Variants in PCNX2 observed in about 807,000 individuals in gnomAD.
The protein encoded by PCNX2 is pecanex-like protein 2.
A neutral mutation model predicts 223.8 loss-of-function variants in PCNX2; 168 were observed. That is an observed-to-expected ratio of 0.75 (90% CI 0.66 to 0.85). The LOEUF (loss-of-function observed/expected upper bound fraction) is 0.85, where lower values mean the gene tolerates loss of function less well. Among genes scored for constraint, PCNX2 ranks in the 40% least tolerant of loss-of-function variants. The pLI is 0.00. For synonymous variants in PCNX2, 1,006 were observed against 1,052.6 expected (o/e 0.96, Z 0.86); for missense variants, 2,507 against 2,675.5 (o/e 0.94, Z 1.39).
intron 1 of PCNX2, chr1:233,291,192 T>C (rs1572213795): frequency 1.3e-5 from 9 of 679,604 alleles, no homozygotes; most frequent in African/African-American, 2.0e-5. Context: ...TGTGGGCAAA[T>C]AGCTGACTCT....
intron 25 of PCNX2, among the ~76,000 whole-genome samples, chr1:233,050,145 G>T (rs1291241874): frequency 6.6e-6 from 1 of 151,942 alleles, no homozygotes; most frequent in Non-Finnish European, 1.5e-5. Flanking sequence ...GTAGATGATG[G>T]GTTGATGGGT....
intron 21 of PCNX2, 42 bp from the exon 22 acceptor site, chr1:233,095,905 C>T (rs752137473): frequency 6.9e-5 from 98 of 1,423,524 alleles, no homozygotes; most frequent in Non-Finnish European, 9.5e-5. Flanking sequence ...AGGACAATGA[C>T]AACAGTGGTA....
chr1:233,308,366 G>C, the PCNX2 span, among the ~76,000 whole-genome samples: 1 of 152,136 alleles, frequency 6.6e-6, no homozygotes, highest in African/African-American at 2.4e-5. Context: ...GGCTGAGTCA[G>C]GAGAATTGCT....
chr1:233,323,144 A>G, the PCNX2 span, among the ~76,000 whole-genome samples: 2 of 152,210 alleles, frequency 1.3e-5, no homozygotes, highest in African/African-American at 4.8e-5. Context: ...TTTGGCATCA[A>G]AACTTGACTT....
chr1:233,040,814 A>G (rs1369094311), intron 25 of PCNX2, among the ~76,000 whole-genome samples: 2 of 152,058 alleles, frequency 1.3e-5, no homozygotes, highest in African/African-American at 2.4e-5. Flanking sequence ...CTCATCTTCC[A>G]CTGAACCTCA....
chr1:233,195,737 T>C (rs1056225198), intron 15 of PCNX2, among the ~76,000 whole-genome samples: 1 of 152,136 alleles, frequency 6.6e-6, no homozygotes, highest in Non-Finnish European at 1.5e-5. Context: ...TAGTTTCAGG[T>C]TGAAAGATAC....
intron 19 of PCNX2, among the ~76,000 whole-genome samples, chr1:233,153,397 A>G (rs1157246893): frequency 6.6e-6 from 1 of 152,218 alleles, no homozygotes; most frequent in African/African-American, 2.4e-5. Context: ...TTGGAATGAG[A>G]AATATACTAC....
In PCNX2 at chr1:233,104,301, A is replaced by C. The variant is rs1401258486; in HGVS notation, c.3838-8438T>G. Among the ~76,000 whole-genome samples, 4 of 152,262 alleles carry C rather than the reference A, an allele frequency of 2.6e-5. No homozygotes were observed. The East Asian group carries it at 7.7e-4, about 29-fold the overall frequency. The stretch of plus-strand genomic sequence containing the variant: ...CTTGTTAGATTTAGAAGAAATATTA[A>C]AGTCACCTAAAAATTTTAGGCAAAA... On this transcript the variant is annotated intron_variant, in intron 21 of 33. Coordinates refer to ENST00000258229, the MANE Select transcript of PCNX2 (RefSeq NM_014801.4).
chr1:233,264,417 C>T (rs1448733075), intron 1 of PCNX2, among the ~76,000 whole-genome samples: 1 of 152,200 alleles, frequency 6.6e-6, no homozygotes, highest in East Asian at 1.9e-4. Context: ...AGGGCCCAGT[C>T]CATATCCATG....
In PCNX2 at chr1:233,139,602, G is replaced by T; in HGVS notation, c.3659+112C>A. On this transcript the variant is annotated intron_variant, in intron 20 of 33. Transcript: ENST00000258229. This position sits in a 1 kb window ranked among gnomAD's most constrained non-coding sequence, Gnocchi z 4.4. The stretch of plus-strand genomic sequence containing the variant: ...GACCACCATGGCTTATTTTTACATG[G>T]CCAATCACAGTCGGTAAAGGTTGGC... The T allele has an allele frequency of 7.9e-7, 1 of 1,266,030 alleles. No homozygotes were observed. The allele number at this position is 1,266,030 out of a possible 1,614,324, so 78.4% of individuals were successfully genotyped here. A position where few individuals can be genotyped will look rare whatever the true frequency, so the allele number is the denominator to read the frequency against.
intron 1 of PCNX2, chr1:233,285,081 A>G (rs1322312427): frequency 1.1e-6 from 1 of 916,044 alleles, no homozygotes; most frequent in Non-Finnish European, 1.3e-6. Context: ...GGCCGGGTGC[A>G]GTGGTTCACG....
chr1:232,997,061 A>T (rs1669900731), intron 32 of PCNX2, among the ~76,000 whole-genome samples: 1 of 152,228 alleles, frequency 6.6e-6, no homozygotes, highest in Admixed American at 6.5e-5. Context: ...AAGGCTGGTC[A>T]CAGTGGTTGC....
At chr1:233,021,587 C>T (rs916754141) in intron 26 of PCNX2, among the ~76,000 whole-genome samples, 4 of 152,104 alleles carry the variant, frequency 2.6e-5, no homozygotes, top group Non-Finnish European at 1.5e-5. Context: ...AACTAGCTTG[C>T]AGGGGAGGAG....
At chr1:233,119,547 T>C (rs1675636756) in intron 21 of PCNX2, among the ~76,000 whole-genome samples, 1 of 144,956 alleles carries the variant, frequency 6.9e-6, no homozygotes, top group South Asian at 2.2e-4. Context: ...ATCCCGCCAC[T>C]GCACTCCAGC....
chr1:233,111,174 G>C (rs937050361), intron 21 of PCNX2, among the ~76,000 whole-genome samples: 1 of 152,064 alleles, frequency 6.6e-6, no homozygotes, highest in African/African-American at 2.4e-5. Context: ...GTCAGACCCG[G>C]GTTCTGATGC....
chr1:233,213,562 T>C (rs1180765604), intron 12 of PCNX2, among the ~76,000 whole-genome samples: 1 of 152,144 alleles, frequency 6.6e-6, no homozygotes, highest in African/African-American at 2.4e-5. Context: ...TACTCTAAAA[T>C]AAAAGGTTTA....
intron 10 of PCNX2, among the ~76,000 whole-genome samples, chr1:233,226,984 T>C (rs1048154062): frequency 6.6e-6 from 1 of 152,166 alleles, no homozygotes; most frequent in African/African-American, 2.4e-5. Flanking sequence ...TTATCTCTTA[T>C]TATTAATATG....
rs1013075677 is a variant in PCNX2 at position 233,126,331 on chromosome 1, T to C, written c.3837+8682A>G. 6.6e-6 allele frequency: 1 copy of C among 152,156 alleles called. No individual in the cohort carries two copies. The highest frequency in any genetic ancestry group is 2.4e-5 in the African/African-American group (1 of 41,430). The allele number at this position is 152,156 out of a possible 1,614,324, so 9.4% of individuals were successfully genotyped here. ...AAACAAACTAGGTGCCTGTTAATAA[T>C]GAAATAACTCATCAAATTATGGTAT... On this transcript the variant is annotated intron_variant, in intron 21 of 33. Coordinates refer to ENST00000258229, the MANE Select transcript of PCNX2 (RefSeq NM_014801.4). The surrounding 1 kb of genome is among the most constrained non-coding windows in gnomAD (Gnocchi z 4.8).
rs1228661966 is a variant in PCNX2, at chr1:233,189,073, C to T, written c.3066+9866G>A. The stretch of plus-strand genomic sequence containing the variant: ...CACTTAACAGGAACTTTTAGCCAGG[C>T]ACTTTATAGACATTATTGATTTGAT... On this transcript the variant is annotated intron_variant, in intron 15 of 33. Transcript: ENST00000258229. Among the ~76,000 whole-genome samples the T allele has an allele frequency of 3.9e-5, 6 of 152,270 alleles. No homozygotes were observed. In the East Asian group the frequency reaches 1.2e-3, roughly 29 times the overall value.
Sources: gnomAD v4.1 joint callset for allele counts (sites outside exome capture counted in the v4.1 genomes callset) on GRCh38, gnomAD v4.1.1 for gene constraint, Gnocchi (gnomAD v3.1) non-coding constraint, MANE v1.5 for transcripts, NCBI Gene and HGNC (gene_info 2026-07-23, HGNC 2026-07-21) for gene names.